Variants in LEP observed in about 807,000 individuals in gnomAD.
LEP encodes leptin.
LEP carries 6 observed loss-of-function variants against 9.8 expected under a neutral mutation model. That is an observed-to-expected ratio of 0.61 (90% CI 0.34 to 1.21). The LOEUF (loss-of-function observed/expected upper bound fraction) is 1.21, where lower values mean the gene tolerates loss of function less well. LEP is among the 50% of genes most tolerant of loss of function. The pLI, the probability that LEP is intolerant of heterozygous loss-of-function variation, is 0.04. For missense variants in LEP, 134 were observed against 198.1 expected (o/e 0.68, Z 1.94); for synonymous variants, 112 against 81.7 (o/e 1.37, Z -2.00).
intron 1 of LEP, among the ~76,000 whole-genome samples, chr7:128,244,298 G>A (rs1405484721): frequency 2.0e-5 from 3 of 151,662 alleles, no homozygotes; most frequent in Non-Finnish European, 4.4e-5. Context: ...AGCTGAAACA[G>A]GAGTAGAAAC....
chr7:128,249,495 G>C (rs912640713), intron 1 of LEP, among the ~76,000 whole-genome samples: 8 of 152,232 alleles, frequency 5.3e-5, no homozygotes, highest in African/African-American at 1.7e-4. Flanking sequence ...ACAGGTTCCT[G>C]AGAGCTGGCA....
chr7:128,252,876 C>G (rs1237980581), intron 2 of LEP, among the ~76,000 whole-genome samples: 1 of 152,034 alleles, frequency 6.6e-6, no homozygotes, highest in Non-Finnish European at 1.5e-5. Flanking sequence ...ATGGCAAGAC[C>G]TCTCTCTCTA....
At chr7:128,252,979 C>T (rs1795293082) in intron 2 of LEP, among the ~76,000 whole-genome samples, 1 of 152,106 alleles carries the variant, frequency 6.6e-6, no homozygotes, top group Non-Finnish European at 1.5e-5. Flanking sequence ...AAGGGGAAAC[C>T]CAGGCCTCAG....
At chr7:128,253,910 G>A (rs370747795) in intron 2 of LEP, among the ~76,000 whole-genome samples, 4 of 152,284 alleles carry the variant, frequency 2.6e-5, no homozygotes, top group Admixed American at 6.5e-5. Flanking sequence ...AGAGCCTCCC[G>A]GAACTGGAGT....
rs943851363 is a variant in LEP at position 128,255,294 on chromosome 7, C to T, written c.*531C>T. The T allele has an allele frequency of 7.4e-5, 12 of 161,958 alleles. No individual in the cohort carries two copies. The highest frequency in any genetic ancestry group is 1.5e-4 in the Non-Finnish European group (11 of 72,906). The allele number at this position is 161,958 out of a possible 1,614,324, so 10.0% of individuals were successfully genotyped here. ...TTCTGGATGGATTTGAAGCAAAGCACCAGCTTCTCCAGGCTCTTTGGGGTC... is the reference window on the plus strand; with the variant it reads ...TTCTGGATGGATTTGAAGCAAAGCATCAGCTTCTCCAGGCTCTTTGGGGTC... On this transcript the variant is annotated 3_prime_UTR_variant, in exon 3 of 3. Coordinates refer to ENST00000308868, the MANE Select transcript of LEP (RefSeq NM_000230.3).
chr7:128,244,020 A>G (rs1399855161), intron 1 of LEP, among the ~76,000 whole-genome samples: 2 of 152,040 alleles, frequency 1.3e-5, no homozygotes, highest in Non-Finnish European at 2.9e-5. Context: ...AGGCCAAGGC[A>G]GGTGGATCAC....
Position 128,252,177 on chromosome 7 carries a change from C to A in LEP, c.144+15C>A. ...TTTCACACACGGTAAGGAGAGTATGCGGGGACAAAGTAGAACTGCAGCCAG... is the reference window on the plus strand; with the variant it reads ...TTTCACACACGGTAAGGAGAGTATGAGGGGACAAAGTAGAACTGCAGCCAG... On this transcript the variant is annotated intron_variant, in intron 2 of 2. Transcript: ENST00000308868. 6.2e-7 allele frequency: 1 copy of A among 1,613,654 alleles called. No homozygotes were observed. The highest frequency in any genetic ancestry group is 8.5e-7 in the Non-Finnish European group (1 of 1,179,706).
chr7:128,246,647 G>A (rs1037702795), intron 1 of LEP, among the ~76,000 whole-genome samples: 3 of 151,304 alleles, frequency 2.0e-5, no homozygotes, highest in Admixed American at 6.6e-5. Flanking sequence ...ATTTTTTTTA[G>A]AGATGGGGTC....
rs1795319062 is a variant in LEP, at chr7:128,254,880, T to C, written c.*117T>C. The C allele has an allele frequency of 5.2e-6, 6 of 1,151,826 alleles. No individual in the cohort carries two copies. The South Asian group carries it at 6.5e-5, about 12-fold the overall frequency. The allele number at this position is 1,151,826 out of a possible 1,614,324, so 71.4% of individuals were successfully genotyped here. A position where few individuals can be genotyped will look rare whatever the true frequency, so the allele number is the denominator to read the frequency against. Reference sequence around the variant, plus strand: ...CACCCCTTATCCAGGACTCTGTCAATTTCCCTGACTCCTCTAAGCCACTCT... The same window carrying C: ...CACCCCTTATCCAGGACTCTGTCAACTTCCCTGACTCCTCTAAGCCACTCT... On this transcript the variant is annotated 3_prime_UTR_variant, in exon 3 of 3. Coordinates refer to ENST00000308868, the MANE Select transcript of LEP (RefSeq NM_000230.3).
In LEP at chr7:128,252,002, C is replaced by T. The variant is rs1387705812; in HGVS notation, c.-17C>T. 1 of 1,614,050 alleles carries T rather than the reference C, an allele frequency of 6.2e-7. No individual in the cohort carries two copies. The highest frequency in any genetic ancestry group is 1.3e-5 in the African/African-American group (1 of 75,020). ...CCTTCTGTTTTCAGGCCCAAGAAGC[C>T]CATCCTGGGAAGGAAAATGCATTGG... On this transcript the variant is annotated 5_prime_UTR_variant, in exon 2 of 3. Transcript: ENST00000308868.
rs759018010 is a variant in LEP at position 128,254,668 on chromosome 7, G to T, written c.409G>T (p.Ala137Ser). ...TLDSLGGVLE[A>S]SGYSTEVVAL... The stretch of plus-strand genomic sequence containing the variant: ...GGACAGCCTGGGGGGTGTCCTGGAA[G>T]CTTCAGGCTACTCCACAGAGGTGGT... The change falls in exon 3 of 3, where the codon GCT (alanine) becomes TCT (serine). Residue 137 changes from alanine (A) to serine (S), a missense_variant. Ala to Ser is a moderately conservative substitution (Grantham distance 99, BLOSUM62 1). Transcript: ENST00000308868. The T allele has an allele frequency of 6.2e-7, 1 of 1,614,118 alleles. No homozygotes were observed. Among genetic ancestry groups the T allele is most frequent in the South Asian group, 1.1e-5 (1 of 91,088 alleles).
chr7:128,247,693 T>C (rs1795227807), intron 1 of LEP, among the ~76,000 whole-genome samples: 2 of 152,208 alleles, frequency 1.3e-5, no homozygotes, highest in Non-Finnish European at 2.9e-5. Context: ...ATTCCCCTGC[T>C]GGAAATAATG....
At chr7:128,248,403 G>A (rs1405134690) in intron 1 of LEP, among the ~76,000 whole-genome samples, 1 of 151,912 alleles carries the variant, frequency 6.6e-6, no homozygotes, top group South Asian at 2.1e-4. Flanking sequence ...TTGCACTCCA[G>A]CCTGGGCAAA....
chr7:128,246,360 G>C (rs1009668419), intron 1 of LEP, among the ~76,000 whole-genome samples: 1 of 152,210 alleles, frequency 6.6e-6, no homozygotes, highest in African/African-American at 2.4e-5. Flanking sequence ...AGAGGACCCA[G>C]GTGGAGGTAG....
At chr7:128,242,709 C>T (rs942600684) in intron 1 of LEP, among the ~76,000 whole-genome samples, 1 of 152,184 alleles carries the variant, frequency 6.6e-6, no homozygotes, top group African/African-American at 2.4e-5. Flanking sequence ...TTTTCCTCCC[C>T]GTCCATTCCA....
intron 2 of LEP, among the ~76,000 whole-genome samples, chr7:128,252,472 G>A (rs969487699): frequency 1.6e-4 from 25 of 152,184 alleles, no homozygotes; most frequent in African/African-American, 5.6e-4. Flanking sequence ...GCTTGTACCT[G>A]TCATCCCAGC....
At chr7:128,250,162 C>T (rs899194805) in intron 1 of LEP, among the ~76,000 whole-genome samples, 1 of 152,180 alleles carries the variant, frequency 6.6e-6, no homozygotes, top group Non-Finnish European at 1.5e-5. Flanking sequence ...TCACTACACC[C>T]GCCCATCTCT....
intron 1 of LEP, among the ~76,000 whole-genome samples, chr7:128,243,768 A>C (rs1795178726): frequency 6.6e-6 from 1 of 152,246 alleles, no homozygotes; most frequent in Non-Finnish European, 1.5e-5. Context: ...ATGCAGATCG[A>C]GAATGGGAAA....
At position 128,257,567 on chromosome 7, in the gene LEP, T is replaced by TTA. The variant is rs562977237; in HGVS notation, c.*2804_*2805insTA. On this transcript the variant is annotated 3_prime_UTR_variant, in exon 3 of 3. Coordinates refer to ENST00000308868, the MANE Select transcript of LEP (RefSeq NM_000230.3). Reference sequence around the variant, plus strand: ...CTGATGACAGAGCGAGATTCCGTCTTAAAAAAAAAAAAAAAAAAGTTTGTT... The same window carrying TTA: ...CTGATGACAGAGCGAGATTCCGTCTTTAAAAAAAAAAAAAAAAAAAGTTTGTT... The TTA allele has an allele frequency of 1.5e-5, 2 of 134,082 alleles. No homozygotes were observed. Among genetic ancestry groups the TTA allele is most frequent in the African/African-American group, 5.5e-5 (2 of 36,264 alleles). 8.3% of individuals were successfully genotyped at this position (134,082 alleles called of 1,614,324 possible).
Sources: allele counts gnomAD v4.1 joint callset (sites outside exome capture counted in the v4.1 genomes callset), GRCh38; gene constraint gnomAD v4.1.1; transcripts MANE v1.5; gene names NCBI Gene and HGNC (gene_info 2026-07-23, HGNC 2026-07-21).